Variants in AKAP8 observed in about 807,000 individuals in gnomAD.
The protein encoded by AKAP8 is A-kinase anchoring protein 8, also known as A-kinase anchor protein 8.
Under a neutral mutation model 67.5 loss-of-function variants are expected in AKAP8, and 24 were observed. That is an observed-to-expected ratio of 0.36 (90% CI 0.26 to 0.50). AKAP8 has a LOEUF of 0.50. Among genes scored for constraint, AKAP8 ranks in the 20% least tolerant of loss-of-function variants. AKAP8 has a pLI of 0.97. For synonymous variants in AKAP8, 400 were observed against 371.1 expected, an observed-to-expected ratio of 1.08 and a Z score of -0.90; for missense variants, 971 against 955.9, an observed-to-expected ratio of 1.02 and a Z score of -0.21.
chr19:15,363,945 G>C (rs1412390871), intron 9 of AKAP8, among the ~76,000 whole-genome samples: 1 of 151,752 alleles, frequency 6.6e-6, no homozygotes. Context: ...TTGTTAAACA[G>C]ATGCTTGAAG....
intron 8 of AKAP8, 92 bp from the exon 9 acceptor site, chr19:15,368,414 G>A (rs796781651): frequency 8.1e-6 from 13 of 1,595,842 alleles, no homozygotes; most frequent in African/African-American, 2.7e-5. Flanking sequence ...CTTGGCCACC[G>A]CACCCTGTGC....
chr19:15,368,965 G>C, intron 8 of AKAP8: 1 of 986,028 alleles, frequency 1.0e-6, no homozygotes, highest in Non-Finnish European at 1.2e-6. Flanking sequence ...CCCGGGGCCA[G>C]CAGAGGAGCT....
rs747673492 is a variant in AKAP8, at chr19:15,372,860, ATCCCGC to A, written c.846_851del (p.Met282_Asp284delinsIle). 18 of 1,500,544 alleles carry A rather than the reference ATCCCGC, an allele frequency of 1.2e-5. No homozygotes were observed. The highest frequency in any genetic ancestry group is 2.4e-5 in the Admixed American group (1 of 41,196). 93.0% of individuals were successfully genotyped at this position (1,500,544 alleles called of 1,614,324 possible). A position where few individuals can be genotyped will look rare whatever the true frequency, so the allele number is the denominator to read the frequency against. ...CCTTGCGAGGGCTTACCCGATCCCG[ATCCCGC>A]ATCCGAGGCTGCGAGCGGCCACATC... On this transcript the variant is annotated inframe_deletion, in exon 5 of 14. Transcript: ENST00000269701.
chr19:15,364,513 G>GCCTGGC (rs1967038492), intron 9 of AKAP8, among the ~76,000 whole-genome samples: 1 of 152,148 alleles, frequency 6.6e-6, no homozygotes, highest in Non-Finnish European at 1.5e-5. Context: ...ACCACTCCCA[G>GCCTGGC]TTAATTTTTG....
At chr19:15,366,567 C>T (rs1458118062) in intron 9 of AKAP8, among the ~76,000 whole-genome samples, 1 of 151,096 alleles carries the variant, frequency 6.6e-6, no homozygotes, top group African/African-American at 2.4e-5. Flanking sequence ...AGTCTTGCTC[C>T]GTCGCCCACG....
chr19:15,367,374 A>G (rs1967087714), intron 9 of AKAP8, among the ~76,000 whole-genome samples: 1 of 152,144 alleles, frequency 6.6e-6, no homozygotes, highest in African/African-American at 2.4e-5. Context: ...CTAAAAATAC[A>G]AAAATTAGCC....
intron 12 of AKAP8, 135 bp from the exon 13 acceptor site, chr19:15,359,197 A>G: frequency 1.3e-6 from 1 of 746,740 alleles, no homozygotes; most frequent in Admixed American, 2.5e-5. Context: ...AGCCTCCAAG[A>G]ATAGAAGGCT....
chr19:15,379,666 GCA>G, intron 1 of AKAP8, 45 bp downstream of exon 1: 8 of 1,590,028 alleles, frequency 5.0e-6, no homozygotes, highest in Non-Finnish European at 6.8e-6. Context: ...TGCGTCGCCC[GCA>G]CAGAGCCTTC....
At chr19:15,361,449 G>T in intron 11 of AKAP8, 1 of 324,882 alleles carries the variant, frequency 3.1e-6, no homozygotes, top group Non-Finnish European at 5.8e-6. Flanking sequence ...CTCCCAGGTT[G>T]ACACCATTCT....
intron 12 of AKAP8, among the ~76,000 whole-genome samples, chr19:15,360,141 A>T (rs1468704596): frequency 6.6e-6 from 1 of 152,104 alleles, no homozygotes; most frequent in African/African-American, 2.4e-5. Flanking sequence ...GTAAAAAAAA[A>T]ACAAAAAAAC....
In AKAP8 at chr19:15,373,078, G is replaced by A. The variant is rs1967189600; in HGVS notation, c.634C>T (p.Pro212Ser). Reference sequence around the variant, plus strand: ...AGGGGCTCAGAGGACGCAGCGGGGGGCACGAAGGGGTCGCTGCGCATGAAG... The same window carrying A: ...AGGGGCTCAGAGGACGCAGCGGGGGACACGAAGGGGTCGCTGCGCATGAAG... ...GTFMRSDPFV[P>S]PAASSEPLST... The change falls in exon 5 of 14, where the codon CCC becomes TCC. Residue 212 changes from proline to serine, a missense_variant. Physicochemically the swap from Pro to Ser is moderately conservative, Grantham distance 74 (BLOSUM62 -1). Around this residue, in one of 3 missense-constraint regions of AKAP8, gnomAD observed 763 missense variants for 745.4 expected, o/e 1.02. Coordinates refer to ENST00000269701, the MANE Select transcript of AKAP8 (RefSeq NM_005858.4). 1 of 1,610,832 alleles carries A rather than the reference G, an allele frequency of 6.2e-7. No homozygotes were observed. Among genetic ancestry groups the A allele is most frequent in the South Asian group, 1.1e-5 (1 of 90,768 alleles).
At chr19:15,374,348 C>T (rs1004031469) in intron 3 of AKAP8, among the ~76,000 whole-genome samples, 1 of 152,188 alleles carries the variant, frequency 6.6e-6, no homozygotes, top group Non-Finnish European at 1.5e-5. Context: ...ACAGCAGTTC[C>T]GGCTGCTGAC....
chr19:15,367,857 G>A (rs1201032043), intron 9 of AKAP8, among the ~76,000 whole-genome samples: 1 of 152,242 alleles, frequency 6.6e-6, no homozygotes, highest in Non-Finnish European at 1.5e-5. Context: ...AGGGGGCAGG[G>A]ATGCCCCTCA....
At position 15,379,743 on chromosome 19, in the gene AKAP8, G is replaced by C. The variant is rs767542180; in HGVS notation, c.-12C>G. 6.2e-7 allele frequency: 1 copy of C among 1,611,132 alleles called. No homozygotes were observed. Among genetic ancestry groups the C allele is most frequent in the South Asian group, 1.1e-5 (1 of 90,548 alleles). On this transcript the variant is annotated 5_prime_UTR_variant, in exon 1 of 14. Transcript: ENST00000269701. ...TAGCCCTGGTCCATGTCTTCGACGC[G>C]GCCCACCAGCAGCCCCGTTTACTAG...
At position 15,373,222 on chromosome 19, in the gene AKAP8, C is replaced by T; in HGVS notation, c.490G>A (p.Gly164Ser). Residue 164 changes from glycine (G) to serine (S), a missense_variant, in exon 5 of 14, where the codon GGC becomes AGC. Physicochemically the swap from Gly to Ser is moderately conservative, Grantham distance 56. Around this residue, in one of 3 missense-constraint regions of AKAP8, gnomAD observed 763 missense variants for 745.4 expected, o/e 1.02. Transcript: ENST00000269701. ...TCACTGTACTGCCCCCCAAAGCTGC[C>T]ATTGCGGTCGGACCCCAGGTCGAAC... ...YEFDLGSDRN[G>S]SFGGQYSECR... 1 of 1,614,006 alleles carries T rather than the reference C, an allele frequency of 6.2e-7. No individual in the cohort carries two copies. Among genetic ancestry groups the T allele is most frequent in the South Asian group, 1.1e-5 (1 of 91,090 alleles).
chr19:15,379,510 G>A (rs1382380784), intron 1 of AKAP8: 1 of 523,110 alleles, frequency 1.9e-6, no homozygotes, highest in Admixed American at 4.4e-5. Flanking sequence ...GGGGCCTGGC[G>A]GCCAATCCGC....
In AKAP8 at chr19:15,354,838, G is replaced by C. The variant is rs2048266502; in HGVS notation, c.*77C>G. On this transcript the variant is annotated 3_prime_UTR_variant, in exon 14 of 14. Transcript: ENST00000269701. ...GCATATTCTGGGAGCACACGCCCTT[G>C]TACTGCTTACAAACCAAGGGAGAAA... 3 of 1,538,050 alleles carry C rather than the reference G, an allele frequency of 2.0e-6. No homozygotes were observed. In the South Asian group the frequency reaches 3.6e-5, roughly 18 times the overall value.
Position 15,373,003 on chromosome 19 carries a change from C to T in AKAP8, c.709G>A (p.Gly237Arg), listed in dbSNP as rs778290315. The T allele has an allele frequency of 1.3e-6, 2 of 1,568,058 alleles. No individual in the cohort carries two copies. The highest frequency in any genetic ancestry group is 4.5e-5 in the East Asian group (2 of 44,114). ...LNYVGGRGLG[G>R]PSPSRPPPSL... Reference sequence around the variant, plus strand: ...GGAGGTGGCCGGCTGGGGGAGGGCCCTCCCAGGCCCCGTCCACCCACGTAG... The same window carrying T: ...GGAGGTGGCCGGCTGGGGGAGGGCCTTCCCAGGCCCCGTCCACCCACGTAG... The change falls in exon 5 of 14, where the codon GGG (glycine) becomes AGG (arginine). Residue 237 changes from glycine (G) to arginine (R), a missense_variant. By Grantham distance (125) the Gly-to-Arg change is moderately radical (BLOSUM62 -2). This residue lies in a region of AKAP8 where 763 missense variants were observed against 745.4 expected (regional missense o/e 1.02). Coordinates refer to ENST00000269701, the MANE Select transcript of AKAP8 (RefSeq NM_005858.4).
intron 12 of AKAP8, among the ~76,000 whole-genome samples, chr19:15,359,830 A>C: frequency 6.6e-6 from 1 of 152,040 alleles, no homozygotes; most frequent in East Asian, 1.9e-4. Flanking sequence ...ACTGCTTTTC[A>C]GCTGATCTTT....
Sources: allele counts gnomAD v4.1 joint callset (sites outside exome capture counted in the v4.1 genomes callset), GRCh38; gene constraint gnomAD v4.1.1; regional missense constraint gnomAD v4.1.1; transcripts MANE v1.5; gene names NCBI Gene and HGNC (gene_info 2026-07-23, HGNC 2026-07-21).